The following CCDC198 variants were observed in gnomAD, a reference collection of about 807,000 sequenced individuals.
CCDC198 encodes the protein factor associated with metabolism and energy.
In CCDC198, 18 loss-of-function variants were observed where a neutral mutation model predicts 35.6. That is an observed-to-expected ratio of 0.51 (90% confidence interval 0.35 to 0.75). The LOEUF (loss-of-function observed/expected upper bound fraction) is 0.75, where lower values mean the gene tolerates loss of function less well. Ranked by LOEUF, CCDC198 falls within the 30% of genes least tolerant of loss-of-function variation. The probability of loss-of-function intolerance (pLI) is 0.01; values close to 1 mark genes in which losing one functional copy is unlikely to be tolerated. For synonymous variants in CCDC198, 119 were observed against 113.4 expected, an observed-to-expected ratio of 1.05 and a Z score of -0.31; for missense variants, 365 against 343.7, an observed-to-expected ratio of 1.06 and a Z score of -0.49.
rs902234917 is a variant in CCDC198 at position 57,469,570 on chromosome 14, C to T, written c.*1785G>A. On this transcript the variant is annotated 3_prime_UTR_variant, in exon 6 of 6. Transcript: ENST00000216445. ...AAATTGACCACAATAAGTGAGGACA[C>T]CATGAATAGGTTGGATTTGTTTATC... 6.6e-6 allele frequency: 1 copy of T among 152,174 alleles called. No individual in the cohort carries two copies. The highest frequency in any genetic ancestry group is 2.4e-5 in the African/African-American group (1 of 41,440). 9.4% of individuals were successfully genotyped at this position (152,174 alleles called of 1,614,324 possible).
intron 2 of CCDC198, among the ~76,000 whole-genome samples, chr14:57,488,931 T>C (rs564516135): frequency 1.3e-5 from 2 of 152,240 alleles, no homozygotes; most frequent in East Asian, 1.9e-4. Context: ...AGTGGGAGTG[T>C]AAATTAGTTC....
chr14:57,481,492 ATTC>A, intron 4 of CCDC198, 64 bp downstream of exon 4: 1 of 1,098,042 alleles, frequency 9.1e-7, no homozygotes, highest in Non-Finnish European at 1.4e-6. Context: ...TGCTTGATAT[ATTC>A]ATGTGGCAGG....
At chr14:57,478,730 T>C (rs1052256934) in intron 5 of CCDC198, 3 of 1,053,336 alleles carry the variant, frequency 2.8e-6, no homozygotes, top group South Asian at 6.6e-5. Flanking sequence ...ACAAAGGATA[T>C]TTCATTCTGA....
chr14:57,493,794 C>T lies in CCDC198; in HGVS notation c.-79G>A, dbSNP rs2067660469. 9.1e-7 allele frequency: 1 copy of T among 1,100,700 alleles called. No homozygotes were observed. The highest frequency in any genetic ancestry group is 1.3e-6 in the Non-Finnish European group (1 of 765,888). The allele number at this position is 1,100,700 out of a possible 1,614,324, so 68.2% of individuals were successfully genotyped here. A position where few individuals can be genotyped will look rare whatever the true frequency, so the allele number is the denominator to read the frequency against. Reference sequence around the variant, plus strand: ...TTAATATAGCTTATTTTAATCAAAGCATTTCAGAAGTTTACCCTCGCTTTA... The same window carrying T: ...TTAATATAGCTTATTTTAATCAAAGTATTTCAGAAGTTTACCCTCGCTTTA... On this transcript the variant is annotated 5_prime_UTR_variant, in exon 1 of 6. An upstream start codon of the reference 5' UTR is lost. Transcript: ENST00000216445.
At chr14:57,482,238 A>G (rs1246152969) in intron 3 of CCDC198, among the ~76,000 whole-genome samples, 3 of 152,180 alleles carry the variant, frequency 2.0e-5, no homozygotes, top group African/African-American at 7.2e-5. Flanking sequence ...GACAGTGCAG[A>G]CGGTTATTGA....
In CCDC198 at chr14:57,490,999, T is replaced by C; in HGVS notation, c.296A>G (p.Gln99Arg). Residue 99 changes from glutamine (Q) to arginine (R), a missense_variant, in exon 2 of 6, where the codon CAA becomes CGA. By Grantham distance (43) the Gln-to-Arg change is conservative. Coordinates refer to ENST00000216445, the MANE Select transcript of CCDC198 (RefSeq NM_018168.4). ...TTAAATTCATCTTACTTGAAGTCTT[T>C]GGGGTGGATGCCTTTTAATAATACT... ...ETSIIKRHPPQRLQKLEPIDL... is the reference protein window; with the variant it reads ...ETSIIKRHPPRRLQKLEPIDL... 6.3e-7 allele frequency: 1 copy of C among 1,589,886 alleles called. No homozygotes were observed. Among genetic ancestry groups the C allele is most frequent in the Non-Finnish European group, 8.6e-7 (1 of 1,158,356 alleles).
chr14:57,472,783 C>G (rs1001147840), intron 5 of CCDC198, among the ~76,000 whole-genome samples: 1 of 152,150 alleles, frequency 6.6e-6, no homozygotes, highest in Admixed American at 6.5e-5. Flanking sequence ...TTATAAGGCA[C>G]TCCAGAAAGC....
At chr14:57,475,309 AAAAAT>A (rs1351470529) in intron 5 of CCDC198, 2 of 881,552 alleles carry the variant, frequency 2.3e-6, no homozygotes, top group Non-Finnish European at 2.7e-6. Context: ...AAATCTATAA[AAAAAT>A]AAAATAAAAC....
rs2066805162 is a variant in CCDC198, at chr14:57,471,082, G to A, written c.*273C>T. Reference sequence around the variant, plus strand: ...ACATGAAAGATTTCAAAAGGGAACAGCAGAAGAACCACCTAGCTGAACTCA... The same window carrying A: ...ACATGAAAGATTTCAAAAGGGAACAACAGAAGAACCACCTAGCTGAACTCA... On this transcript the variant is annotated 3_prime_UTR_variant, in exon 6 of 6. Coordinates refer to ENST00000216445, the MANE Select transcript of CCDC198 (RefSeq NM_018168.4). 3.1e-6 allele frequency: 1 copy of A among 324,600 alleles called. No homozygotes were observed. Among genetic ancestry groups the A allele is most frequent in the Non-Finnish European group, 5.7e-6 (1 of 176,624 alleles). 20.1% of individuals were successfully genotyped at this position (324,600 alleles called of 1,614,324 possible).
chr14:57,472,452 A>C (rs1332477818), intron 5 of CCDC198, among the ~76,000 whole-genome samples: 1 of 152,208 alleles, frequency 6.6e-6, no homozygotes, highest in African/African-American at 2.4e-5. Flanking sequence ...AATTGAGGTT[A>C]AACATTTTGG....
At chr14:57,479,162 G>A in intron 5 of CCDC198, 1 of 581,968 alleles carries the variant, frequency 1.7e-6, no homozygotes, top group Non-Finnish European at 2.8e-6. Flanking sequence ...TGGCTGAAAT[G>A]TGGGGGCTGG....
intron 2 of CCDC198, among the ~76,000 whole-genome samples, chr14:57,484,469 A>G (rs1321477932): frequency 6.6e-6 from 1 of 152,188 alleles, no homozygotes; most frequent in African/African-American, 2.4e-5. Flanking sequence ...AACCAACCCT[A>G]TGGACACCTT....
chr14:57,492,749 G>A (rs548401503), intron 1 of CCDC198, among the ~76,000 whole-genome samples: 1 of 152,138 alleles, frequency 6.6e-6, no homozygotes, highest in Non-Finnish European at 1.5e-5. Context: ...TCCAGAAGGT[G>A]AAGAAAAGGG....
Position 57,470,365 on chromosome 14 carries a change from C to T in CCDC198, c.*990G>A, listed in dbSNP as rs1244099709. 6.6e-6 allele frequency: 1 copy of T among 152,132 alleles called. No individual in the cohort carries two copies. Among genetic ancestry groups the T allele is most frequent in the Non-Finnish European group, 1.5e-5 (1 of 68,034 alleles). 9.4% of individuals were successfully genotyped at this position (152,132 alleles called of 1,614,324 possible). Reference sequence around the variant, plus strand: ...GTTTTTTAATTTTGAGACAGAGTCTCATTCTGTCGCCCAGGCTGGAGTGCA... The same window carrying T: ...GTTTTTTAATTTTGAGACAGAGTCTTATTCTGTCGCCCAGGCTGGAGTGCA... On this transcript the variant is annotated 3_prime_UTR_variant, in exon 6 of 6. Coordinates refer to ENST00000216445, the MANE Select transcript of CCDC198 (RefSeq NM_018168.4).
chr14:57,477,258 T>C (rs2067030485), intron 5 of CCDC198, among the ~76,000 whole-genome samples: 2 of 152,362 alleles, frequency 1.3e-5, no homozygotes, highest in South Asian at 2.1e-4. Flanking sequence ...AACAGAATGA[T>C]ATCCTTTGGA....
intron 1 of CCDC198, 101 bp from the exon 2 acceptor site, chr14:57,491,172 C>T: frequency 1.7e-6 from 2 of 1,206,760 alleles, no homozygotes; most frequent in Non-Finnish European, 2.3e-6. Flanking sequence ...CAATTTTGTA[C>T]CTTTTCAGTT....
chr14:57,481,966 G>A (rs2067202725), intron 3 of CCDC198, among the ~76,000 whole-genome samples: 1 of 152,280 alleles, frequency 6.6e-6, no homozygotes, highest in Middle Eastern at 3.4e-3. Flanking sequence ...TTTGTAAACA[G>A]ATGCTTATTA....
chr14:57,490,763 G>A (rs571443797), intron 2 of CCDC198, among the ~76,000 whole-genome samples: 1 of 152,190 alleles, frequency 6.6e-6, no homozygotes, highest in Non-Finnish European at 1.5e-5. Context: ...TGGTATCTAT[G>A]TCCTTGCTAC....
Position 57,483,162 on chromosome 14 carries a change from A to G in CCDC198, c.307-11T>C, listed in dbSNP as rs755169896. 1.9e-6 allele frequency: 3 copies of G among 1,613,902 alleles called. No homozygotes were observed. The highest frequency in any genetic ancestry group is 3.3e-4 in the Middle Eastern group (2 of 6,080). On this transcript the variant is annotated splice_polypyrimidine_tract_variant and intron_variant, in intron 2 of 5. Coordinates refer to ENST00000216445, the MANE Select transcript of CCDC198 (RefSeq NM_018168.4). ...AATGGGTTCAAGCTTCTAGAAGTTC[A>G]ACGTTTAGAGCAGTCAGCATTCCTC...
Sources: allele counts gnomAD v4.1 joint callset (sites outside exome capture counted in the v4.1 genomes callset), GRCh38; gene constraint gnomAD v4.1.1; transcripts MANE v1.5; gene names NCBI Gene and HGNC (gene_info 2026-07-23, HGNC 2026-07-21).